XXYLT1: variants seen among roughly 807,000 people sequenced by gnomAD.
XXYLT1 encodes the protein UDP-xylose:alpha-xyloside alpha-1,3-xylosyltransferase.
In XXYLT1, 20 loss-of-function variants were observed where a neutral mutation model predicts 28.9. The observed-to-expected ratio is 0.69, with a 90% CI of 0.49 to 1.00. The LOEUF (loss-of-function observed/expected upper bound fraction) is 1.00, where lower values mean the gene tolerates loss of function less well. XXYLT1 is among the 50% of genes least tolerant of loss of function. The pLI is 0.00. For synonymous variants in XXYLT1, 257 were observed against 253.8 expected (o/e 1.01, Z -0.12); for missense variants, 542 against 560.1 (o/e 0.97, Z 0.33).
At chr3:195,211,344 G>C (rs1723303039) in intron 2 of XXYLT1, among the ~76,000 whole-genome samples, 1 of 152,194 alleles carries the variant, frequency 6.6e-6, no homozygotes, top group African/African-American at 2.4e-5. Flanking sequence ...AGTGAGCCAA[G>C]ATCGAGCCTC....
intron 2 of XXYLT1, among the ~76,000 whole-genome samples, chr3:195,206,028 T>A (rs1577145055): frequency 6.8e-6 from 1 of 147,724 alleles, no homozygotes; most frequent in African/African-American, 2.5e-5. Context: ...TTAATTTTTT[T>A]TTTTTTTTTT....
rs140345818 is a variant in XXYLT1, at chr3:195,255,084, C to T, written c.504+15471G>A. Among the ~76,000 whole-genome samples, 3 of 152,182 alleles carry T rather than the reference C, an allele frequency of 2.0e-5. No individual in the cohort carries two copies. The highest frequency in any genetic ancestry group is 1.9e-4 in the East Asian group (1 of 5,202). ...CAGGCTGGGAAATTCACCAGCACTG[C>T]GGACAGAGCAGGGGATAACAGCAGC... On this transcript the variant is annotated intron_variant, in intron 1 of 3. Transcript: ENST00000310380. The surrounding 1 kb of genome is among the most constrained non-coding windows in gnomAD (Gnocchi z 4.5).
chr3:195,267,877 C>G (rs1725891979), intron 1 of XXYLT1, among the ~76,000 whole-genome samples: 1 of 152,128 alleles, frequency 6.6e-6, no homozygotes, highest in South Asian at 2.1e-4. Flanking sequence ...TATTCCAAAC[C>G]TGAGGAAGAA....
chr3:195,125,620 T>A (rs1233624228), intron 3 of XXYLT1, among the ~76,000 whole-genome samples: 1 of 152,218 alleles, frequency 6.6e-6, no homozygotes, highest in Non-Finnish European at 1.5e-5. Flanking sequence ...CCATCAGAAC[T>A]CAAGCTCAAT....
At chr3:195,249,730 C>T (rs1477728393) in intron 1 of XXYLT1, among the ~76,000 whole-genome samples, 1 of 152,248 alleles carries the variant, frequency 6.6e-6, no homozygotes, top group East Asian at 1.9e-4. Context: ...ACAGCTCCCA[C>T]TGAGCCTGCT....
rs9917629 is a variant in XXYLT1 at position 195,184,618 on chromosome 3, G to A, written c.653-28037C>T. 3,719 of 985,226 alleles carry A rather than the reference G, an allele frequency of 3.8e-3. 114 individuals carry two copies. The African/African-American group carries it at 0.058, about 15-fold the overall frequency. 61.0% of individuals were successfully genotyped at this position (985,226 alleles called of 1,614,324 possible). A position where few individuals can be genotyped will look rare whatever the true frequency, so the allele number is the denominator to read the frequency against. ...CCCCAAGAAACATTTAAGTCTCCCT[G>A]ATTAGGTCTACTTACCCAGAAACAA... On this transcript the variant is annotated intron_variant, in intron 2 of 3. Transcript: ENST00000310380.
At chr3:195,213,472 C>T (rs1315594045) in intron 2 of XXYLT1, among the ~76,000 whole-genome samples, 1 of 152,068 alleles carries the variant, frequency 6.6e-6, no homozygotes, top group African/African-American at 2.4e-5. Context: ...CCATGTTGGT[C>T]GGGCTAGTCT....
chr3:195,113,617 G>T (rs961356511), intron 3 of XXYLT1, among the ~76,000 whole-genome samples: 14 of 152,086 alleles, frequency 9.2e-5, no homozygotes, highest in African/African-American at 3.1e-4. Flanking sequence ...ATCAGTTTTG[G>T]ATTTCCCCTC....
intron 1 of XXYLT1, among the ~76,000 whole-genome samples, chr3:195,264,972 C>G (rs1725797381): frequency 6.6e-6 from 1 of 151,944 alleles, no homozygotes; most frequent in African/African-American, 2.4e-5. Context: ...CAGGAGGATC[C>G]CCTAAGCCCA....
chr3:195,121,772 C>T (rs191122630), intron 3 of XXYLT1, among the ~76,000 whole-genome samples: 54 of 152,316 alleles, frequency 3.5e-4, no homozygotes, highest in Non-Finnish European at 6.3e-4. Flanking sequence ...TTTATTCCAG[C>T]ATTCTAGCCC....
chr3:195,093,614 G>A (rs1716237888), intron 3 of XXYLT1: 1 of 150,670 alleles, frequency 6.6e-6, no homozygotes, highest in African/African-American at 2.5e-5. Flanking sequence ...GCACCAGCAT[G>A]GCACATGTAT....
chr3:195,184,562 A>C (rs1180070889), intron 2 of XXYLT1: 1 of 973,322 alleles, frequency 1.0e-6, no homozygotes, highest in East Asian at 1.1e-4. Flanking sequence ...TGGAAGTTTA[A>C]GAAAATCCTC....
chr3:195,261,970 CAG>C (rs1321733144), intron 1 of XXYLT1, among the ~76,000 whole-genome samples: 2 of 152,226 alleles, frequency 1.3e-5, no homozygotes, highest in African/African-American at 4.8e-5. Context: ...AAAGGTTAAA[CAG>C]AGTTAACCAT....
At chr3:195,223,633 C>T (rs978836583) in intron 2 of XXYLT1, among the ~76,000 whole-genome samples, 2 of 152,174 alleles carry the variant, frequency 1.3e-5, no homozygotes, top group African/African-American at 4.8e-5. Flanking sequence ...AAACTCAAGA[C>T]AGCACGAATG....
At chr3:195,184,880 A>G in intron 2 of XXYLT1, 1 of 914,860 alleles carries the variant, frequency 1.1e-6, no homozygotes. Flanking sequence ...TTCAAATGGT[A>G]AGTTTGATCC....
chr3:195,071,288 C>T (rs1180329533), intron 3 of XXYLT1, among the ~76,000 whole-genome samples: 1 of 152,204 alleles, frequency 6.6e-6, no homozygotes, highest in African/African-American at 2.4e-5. Context: ...CCCCACCGGC[C>T]CCCGCAGAGA....
At chr3:195,151,020 G>A (rs1366549118) in intron 3 of XXYLT1, among the ~76,000 whole-genome samples, 1 of 152,016 alleles carries the variant, frequency 6.6e-6, no homozygotes, top group Non-Finnish European at 1.5e-5. Context: ...ACTCTACAGA[G>A]TGGTGACCTC....
intron 1 of XXYLT1, among the ~76,000 whole-genome samples, chr3:195,263,195 G>A (rs1318953801): frequency 2.6e-5 from 4 of 152,316 alleles, no homozygotes; most frequent in African/African-American, 9.6e-5. Context: ...GTTTGCTCTT[G>A]CACTCAAAGA....
chr3:195,181,286 G>T (rs1322073773), intron 2 of XXYLT1, among the ~76,000 whole-genome samples: 1 of 152,156 alleles, frequency 6.6e-6, no homozygotes, highest in South Asian at 2.1e-4. Flanking sequence ...TGGCTGCGTG[G>T]CTGCGGGGCT....
Sources: gnomAD v4.1 joint callset for allele counts (sites outside exome capture counted in the v4.1 genomes callset) on GRCh38, gnomAD v4.1.1 for gene constraint, Gnocchi (gnomAD v3.1) non-coding constraint, MANE v1.5 for transcripts, NCBI Gene and HGNC (gene_info 2026-07-23, HGNC 2026-07-21) for gene names.